Variants in GHR observed in about 807,000 individuals in gnomAD.
GHR encodes growth hormone receptor.
In GHR, 35 loss-of-function variants were observed where a neutral mutation model predicts 67.1. That is an observed-to-expected ratio of 0.52 (90% CI 0.40 to 0.69). The LOEUF is 0.69. Among genes scored for constraint, GHR ranks in the 30% least tolerant of loss-of-function variants. The pLI, the probability that GHR is intolerant of heterozygous loss-of-function variation, is 0.00. For synonymous variants in GHR, 272 were observed against 269.1 expected, an observed-to-expected ratio of 1.01 and a Z score of -0.10; for missense variants, 792 against 764.6, an observed-to-expected ratio of 1.04 and a Z score of -0.42.
At chr5:42,697,597 C>T (rs191253666) in intron 5 of GHR, among the ~76,000 whole-genome samples, 77 of 152,264 alleles carry the variant, frequency 5.1e-4, no homozygotes, top group South Asian at 4.6e-3. Flanking sequence ...CTTTTCCTCA[C>T]TCAATGAACA....
chr5:42,685,167 C>A (rs894819521), intron 3 of GHR, among the ~76,000 whole-genome samples: 1 of 152,104 alleles, frequency 6.6e-6, no homozygotes, highest in African/African-American at 2.4e-5. Flanking sequence ...TTGTTCAACT[C>A]CCACTTATAA....
At chr5:42,466,995 G>T in intron 1 of GHR, 1 of 1,573,316 alleles carries the variant, frequency 6.4e-7, no homozygotes, top group Non-Finnish European at 8.7e-7. Context: ...GGGTTCTCTG[G>T]TGCACCGTGA....
intron 1 of GHR, among the ~76,000 whole-genome samples, chr5:42,518,504 A>G (rs1041334813): frequency 6.6e-6 from 1 of 152,214 alleles, no homozygotes; most frequent in Non-Finnish European, 1.5e-5. Context: ...GTAAAAGTTT[A>G]TAGTGCTTTC....
intron 2 of GHR, among the ~76,000 whole-genome samples, chr5:42,611,783 A>T (rs6880128): frequency 6.6e-6 from 1 of 152,158 alleles, no homozygotes; most frequent in African/African-American, 2.4e-5. Flanking sequence ...GTTACTAAGG[A>T]CTTAAGTCCT....
intron 1 of GHR, among the ~76,000 whole-genome samples, chr5:42,502,848 ATTATTT>A (rs2112236505): frequency 6.7e-6 from 1 of 148,310 alleles, no homozygotes; most frequent in East Asian, 1.9e-4. Flanking sequence ...TAAAATAATA[ATTATTT>A]TTATTAATTT....
At chr5:42,599,772 T>G (rs1752273179) in intron 2 of GHR, among the ~76,000 whole-genome samples, 1 of 152,218 alleles carries the variant, frequency 6.6e-6, no homozygotes, top group Non-Finnish European at 1.5e-5. Context: ...CTTCTTTTTT[T>G]TTATTGTCCC....
At chr5:42,591,115 C>T (rs1453419372) in intron 2 of GHR, among the ~76,000 whole-genome samples, 1 of 152,200 alleles carries the variant, frequency 6.6e-6, no homozygotes, top group Non-Finnish European at 1.5e-5. Context: ...TAGTTTCCAG[C>T]CCTGATTAAA....
At chr5:42,557,567 A>G (rs985774265) in intron 1 of GHR, among the ~76,000 whole-genome samples, 4 of 152,168 alleles carry the variant, frequency 2.6e-5, no homozygotes, top group African/African-American at 9.6e-5. Flanking sequence ...TTTTATTAAA[A>G]AGGGAAAATC....
At chr5:42,593,004 A>G (rs1343223905) in intron 2 of GHR, among the ~76,000 whole-genome samples, 1 of 152,070 alleles carries the variant, frequency 6.6e-6, no homozygotes, top group Non-Finnish European at 1.5e-5. Flanking sequence ...GATCGTGAGT[A>G]TTTTTTCATA....
chr5:42,692,841 A>G lies in GHR; in HGVS notation c.267-2076A>G, dbSNP rs34885547. On this transcript the variant is annotated intron_variant, in intron 4 of 9. Coordinates refer to ENST00000230882, the MANE Select transcript of GHR (RefSeq NM_000163.5). ...CTTTGAGTTTTCTAACTTTTATACT[A>G]TCACTTATGCTAAGTACATTTGATA... 2.6e-3 allele frequency among the ~76,000 whole-genome samples: 393 copies of G among 152,308 alleles called. 3 individuals carry two copies. Among genetic ancestry groups the G allele is most frequent in the African/African-American group, 9.0e-3 (374 of 41,580 alleles).
intron 1 of GHR, among the ~76,000 whole-genome samples, chr5:42,429,732 A>G (rs1743008654): frequency 6.6e-6 from 1 of 152,246 alleles, no homozygotes; most frequent in Non-Finnish European, 1.5e-5. Context: ...CTCCCTATCA[A>G]GGAATATCAA....
intron 1 of GHR, among the ~76,000 whole-genome samples, chr5:42,542,796 C>A (rs1440272971): frequency 2.6e-5 from 4 of 152,032 alleles, no homozygotes; most frequent in Non-Finnish European, 5.9e-5. Context: ...CCCCTACCCC[C>A]TCCTCAGTCT....
chr5:42,444,924 T>C (rs569842807), intron 1 of GHR, among the ~76,000 whole-genome samples: 43 of 152,324 alleles, frequency 2.8e-4, no homozygotes, highest in African/African-American at 1.0e-3. Context: ...CTAAGTCTCT[T>C]GTGCAATGTC....
At chr5:42,674,727 C>T (rs1756485996) in intron 3 of GHR, among the ~76,000 whole-genome samples, 1 of 152,178 alleles carries the variant, frequency 6.6e-6, no homozygotes, top group Non-Finnish European at 1.5e-5. Context: ...GATTATACCA[C>T]ATCTTTTTTA....
intron 9 of GHR, 106 bp downstream of exon 9, chr5:42,718,227 T>G: frequency 1.3e-6 from 1 of 747,662 alleles, no homozygotes. Context: ...CATTCAATTT[T>G]CTTGTGTCTC....
At chr5:42,465,909 G>A (rs1579750064) in intron 1 of GHR, 38 of 708,694 alleles carry the variant, frequency 5.4e-5, no homozygotes, top group South Asian at 4.1e-4. Flanking sequence ...TCAAGTCTTC[G>A]TTCACAAGGT....
At chr5:42,697,630 A>G (rs968325701) in intron 5 of GHR, among the ~76,000 whole-genome samples, 1 of 152,192 alleles carries the variant, frequency 6.6e-6, no homozygotes, top group Non-Finnish European at 1.5e-5. Context: ...TGGAGTGGGC[A>G]CAGAGTGAGC....
At chr5:42,645,708 G>T (rs1352991023) in intron 3 of GHR, among the ~76,000 whole-genome samples, 1 of 152,180 alleles carries the variant, frequency 6.6e-6, no homozygotes, top group African/African-American at 2.4e-5. Context: ...CCCAGGTCAG[G>T]GGCTTGGAGG....
intron 1 of GHR, among the ~76,000 whole-genome samples, chr5:42,536,286 T>C (rs1748253926): frequency 6.6e-6 from 1 of 152,184 alleles, no homozygotes; most frequent in Non-Finnish European, 1.5e-5. Context: ...TTCAGTATTA[T>C]GTTGGTTGTG....
Sources: allele counts gnomAD v4.1 joint callset (sites outside exome capture counted in the v4.1 genomes callset), GRCh38; gene constraint gnomAD v4.1.1; transcripts MANE v1.5; gene names NCBI Gene and HGNC (gene_info 2026-07-23, HGNC 2026-07-21).